The following GLYATL1 variants were observed in gnomAD, a reference collection of about 807,000 sequenced individuals.
The protein encoded by GLYATL1 is glycine N-acyltransferase-like protein 1.
GLYATL1 carries 15 observed loss-of-function variants against 20.0 expected under a neutral mutation model. That is an observed-to-expected ratio of 0.75 (90% CI 0.50 to 1.15). The LOEUF is 1.15. Among genes scored for constraint, GLYATL1 ranks in the 50% most tolerant of loss-of-function variants. The pLI, the probability that GLYATL1 is intolerant of heterozygous loss-of-function variation, is 0.00. For synonymous variants in GLYATL1, 151 were observed against 131.5 expected (o/e 1.15, Z -1.01); for missense variants, 380 against 368.5 (o/e 1.03, Z -0.26).
At chr11:58,908,162 CA>C (rs1379631493) in exon 2 of GLYATL1, 7 of 152,250 alleles carry the variant, frequency 4.6e-5, no homozygotes, top group African/African-American at 1.4e-4. Context: ...TGGCCTCCCA[CA>C]ACTCCCAGCT....
chr11:58,913,960 G>A (rs1214502666), intron 1 of GLYATL1, among the ~76,000 whole-genome samples: 25 of 152,130 alleles, frequency 1.6e-4, no homozygotes, highest in Admixed American at 1.6e-3. Flanking sequence ...ACTCTCTAAG[G>A]AACATGCCTG....
At chr11:58,950,113 CAAAAAAAAAA>C (rs56725794) in intron 4 of GLYATL1, among the ~76,000 whole-genome samples, 11 of 75,980 alleles carry the variant, frequency 1.4e-4, no homozygotes, top group African/African-American at 4.2e-4. Flanking sequence ...ACTAAAAATA[CAAAAAAAAAA>C]AAAAAAAAAA....
At chr11:58,926,122 C>G (rs908281595), upstream of GLYATL1, among the ~76,000 whole-genome samples, 2 of 152,170 alleles carry the variant, frequency 1.3e-5, no homozygotes, top group Admixed American at 6.5e-5. Flanking sequence ...TTTGCCATAA[C>G]TGCTTAGGTT....
upstream of GLYATL1, among the ~76,000 whole-genome samples, chr11:58,923,714 C>A (rs997755876): frequency 2.0e-5 from 3 of 152,164 alleles, no homozygotes; most frequent in African/African-American, 7.2e-5. Flanking sequence ...CTGCCCCTCC[C>A]CTTGGCTCCC....
rs1855990837 is a variant in GLYATL1 at position 58,939,514 on chromosome 11, A to G, written c.-303A>G. On this transcript the variant is annotated 5_prime_UTR_variant, in exon 1 of 7. Coordinates refer to ENST00000532726, the MANE Select transcript of GLYATL1 (RefSeq NM_001389712.2). ...AGTTGCCATGGGCCAGGAGTCTCAC[A>G]GAACTACTAAGCAGCTGCTTACCCA... is the stretch of plus-strand genomic sequence containing the variant. 1 of 152,270 alleles carries G rather than the reference A, an allele frequency of 6.6e-6. No homozygotes were observed. Among genetic ancestry groups the G allele is most frequent in the African/African-American group, 2.4e-5 (1 of 41,456 alleles). The allele number at this position is 152,270 out of a possible 1,614,324, so 9.4% of individuals were successfully genotyped here. A position where few individuals can be genotyped will look rare whatever the true frequency, so the allele number is the denominator to read the frequency against.
intron 1 of GLYATL1, among the ~76,000 whole-genome samples, chr11:58,929,735 T>C (rs759386964): frequency 9.9e-5 from 15 of 152,226 alleles, no homozygotes; most frequent in Non-Finnish European, 1.8e-4. Flanking sequence ...TGCAGATCAC[T>C]ACTCATCTAA....
chr11:58,930,108 A>T (rs575914750), intron 1 of GLYATL1, among the ~76,000 whole-genome samples: 31 of 151,700 alleles, frequency 2.0e-4, no homozygotes, highest in East Asian at 5.8e-4. Flanking sequence ...TTAAAAAAAA[A>T]TTTTTTTCCA....
At chr11:58,907,503 C>G (rs1210306904) in exon 2 of GLYATL1, 1 of 399,238 alleles carries the variant, frequency 2.5e-6, no homozygotes, top group Non-Finnish European at 5.0e-6. Flanking sequence ...GTTTTGTTTT[C>G]AGGCTAGGGG....
At chr11:58,955,090 TA>T in intron 5 of GLYATL1, 85 bp from the exon 6 acceptor site, 1 of 1,348,368 alleles carries the variant, frequency 7.4e-7, no homozygotes, top group Non-Finnish European at 1.0e-6. Flanking sequence ...TGAGAACTAC[TA>T]AGCACTGAGG....
At chr11:58,924,213 A>T (rs780926647), upstream of GLYATL1, among the ~76,000 whole-genome samples, 4 of 152,236 alleles carry the variant, frequency 2.6e-5, no homozygotes, top group Non-Finnish European at 5.9e-5. Flanking sequence ...ATGGATAATT[A>T]ACATGGTTGA....
chr11:58,918,803 C>G (rs193204421), intron 1 of GLYATL1, among the ~76,000 whole-genome samples: 1 of 152,186 alleles, frequency 6.6e-6, no homozygotes, highest in Non-Finnish European at 1.5e-5. Flanking sequence ...GCTGTTTTAT[C>G]AAGGTTTTGC....
intron 2 of GLYATL1, among the ~76,000 whole-genome samples, chr11:58,944,070 T>G (rs1856387096): frequency 6.6e-6 from 1 of 152,208 alleles, no homozygotes; most frequent in African/African-American, 2.4e-5. Flanking sequence ...TTAATTTCTG[T>G]AAAACTGAGT....
Position 58,907,109 on chromosome 11 carries a change from T to G in GLYATL1, n.239-132T>G, listed in dbSNP as rs559890247. The G allele has an allele frequency of 3.3e-3, 1,161 of 350,074 alleles. 15 individuals are homozygous for G. Among genetic ancestry groups the G allele is most frequent in the South Asian group, 0.017 (766 of 44,464 alleles). 21.7% of individuals were successfully genotyped at this position (350,074 alleles called of 1,614,324 possible). A position where few individuals can be genotyped will look rare whatever the true frequency, so the allele number is the denominator to read the frequency against. On this transcript the variant is annotated intron_variant and non_coding_transcript_variant, in intron 1 of 1. Transcript: ENST00000524629. ...TTGGAGGAAAGTTACACCATAATAG[T>G]TTTAGGGTGGTTCTTTCCTGGCCTT...
chr11:58,911,114 A>C (rs1247263379), downstream of GLYATL1, among the ~76,000 whole-genome samples: 1 of 152,186 alleles, frequency 6.6e-6, no homozygotes, highest in Non-Finnish European at 1.5e-5. Context: ...CACTCAGAAC[A>C]TTCCATTTAA....
intron 1 of GLYATL1, among the ~76,000 whole-genome samples, chr11:58,941,838 A>T (rs2135181597): frequency 6.6e-6 from 1 of 152,274 alleles, no homozygotes; most frequent in South Asian, 2.1e-4. Context: ...TCTAAATGAG[A>T]TTGGGAGTTG....
At chr11:58,948,970 C>CTTCTTCTTATT (rs1358318667) in intron 4 of GLYATL1, among the ~76,000 whole-genome samples, 5 of 152,142 alleles carry the variant, frequency 3.3e-5, no homozygotes, top group African/African-American at 1.2e-4. Context: ...ATAAGAGGAT[C>CTTCTTCTTATT]TTCTTCAGAG....
At chr11:58,936,116 G>A (rs992651248), upstream of GLYATL1, among the ~76,000 whole-genome samples, 7 of 152,152 alleles carry the variant, frequency 4.6e-5, no homozygotes, top group African/African-American at 1.4e-4. Flanking sequence ...CAGGATTTGA[G>A]GATGAATCAA....
chr11:58,934,842 TG>T (rs1345626560), upstream of GLYATL1: 1 of 152,016 alleles, frequency 6.6e-6, no homozygotes, highest in East Asian at 1.9e-4. Flanking sequence ...AACCTGGAAA[TG>T]GGGTGGGCCT....
At chr11:58,947,338 A>G in intron 3 of GLYATL1, 173 bp downstream of exon 3, 1 of 863,198 alleles carries the variant, frequency 1.2e-6, no homozygotes, top group Non-Finnish European at 1.7e-6. Flanking sequence ...CTTTGGGAAG[A>G]GGCAGCTAGG....
Sources: gnomAD v4.1 joint callset for allele counts (sites outside exome capture counted in the v4.1 genomes callset) on GRCh38, gnomAD v4.1.1 for gene constraint, MANE v1.5 for transcripts, NCBI Gene and HGNC (gene_info 2026-07-23, HGNC 2026-07-21) for gene names.